The following ABCB1 variants were observed in gnomAD, a reference collection of about 807,000 sequenced individuals.
The protein encoded by ABCB1 is ATP binding cassette subfamily B member 1, also known as ATP-dependent translocase ABCB1.
Under a neutral mutation model 142.0 loss-of-function variants are expected in ABCB1, and 69 were observed. That is an observed-to-expected ratio of 0.49 (90% CI 0.40 to 0.59). The LOEUF (loss-of-function observed/expected upper bound fraction) is 0.59. Ranked by LOEUF, ABCB1 falls within the 20% of genes least tolerant of loss-of-function variation. The pLI, the probability that ABCB1 is intolerant of heterozygous loss-of-function variation, is 0.00. For synonymous variants in ABCB1, 532 were observed against 539.2 expected (o/e 0.99, Z 0.18); for missense variants, 1,326 against 1,554.7 (o/e 0.85, Z 2.47).
chr7:87,655,241 A>G (rs954061754), intron 1 of ABCB1, among the ~76,000 whole-genome samples: 1 of 152,196 alleles, frequency 6.6e-6, no homozygotes, highest in African/African-American at 2.4e-5. Flanking sequence ...AGGAAATGAA[A>G]TCAGTGTCTC....
At chr7:87,703,731 C>T (rs531162024) in intron 1 of ABCB1, among the ~76,000 whole-genome samples, 1 of 151,780 alleles carries the variant, frequency 6.6e-6, no homozygotes, top group South Asian at 2.1e-4. Flanking sequence ...TAACAGATGT[C>T]TTTTTTGTCC....
chr7:87,682,777 A>G (rs1463178662), intron 1 of ABCB1, among the ~76,000 whole-genome samples: 1 of 152,160 alleles, frequency 6.6e-6, no homozygotes, highest in East Asian at 1.9e-4. Context: ...ATTTTTTGGA[A>G]TGGTAAATAA....
intron 21 of ABCB1, among the ~76,000 whole-genome samples, chr7:87,524,422 C>T (rs1018502495): frequency 2.0e-5 from 3 of 152,102 alleles, no homozygotes; most frequent in African/African-American, 7.2e-5. Context: ...CCTTCAAATT[C>T]CCAAAGACAA....
At chr7:87,557,794 A>C (rs1338014731) in intron 8 of ABCB1, among the ~76,000 whole-genome samples, 1 of 152,212 alleles carries the variant, frequency 6.6e-6, no homozygotes, top group Non-Finnish European at 1.5e-5. Context: ...CCTCCTTCTC[A>C]GGTTTTATTC....
chr7:87,693,847 T>A, intron 1 of ABCB1: 25 of 1,552,750 alleles, frequency 1.6e-5, no homozygotes, highest in Non-Finnish European at 2.2e-5. Flanking sequence ...TTTGGAACTG[T>A]AAACATGATG....
At chr7:87,638,972 G>C (rs28746502) in intron 1 of ABCB1, among the ~76,000 whole-genome samples, 1 of 152,012 alleles carries the variant, frequency 6.6e-6, no homozygotes, top group African/African-American at 2.4e-5. Flanking sequence ...CTAACACGGT[G>C]AAACCCCGTC....
chr7:87,541,462 A>G lies in ABCB1; in HGVS notation c.2214T>C (p.Val738=). The part of the protein sequence containing the change: ...FAIIFSKIIG[V]FTRIDDPETK... Reference sequence around the variant, plus strand: ...TTTCAGGATCATCAATTCTTGTAAAAACCTGTGAGAAAACATTTAAAGGAT... The same window carrying G: ...TTTCAGGATCATCAATTCTTGTAAAGACCTGTGAGAAAACATTTAAAGGAT... The change falls in exon 18 of 28, where the codon GTT becomes GTC. Residue 738 remains valine (V), a splice_region_variant and synonymous_variant. Coordinates refer to ENST00000622132, the MANE Select transcript of ABCB1 (RefSeq NM_001348946.2). The G allele has an allele frequency of 6.3e-7, 1 of 1,587,696 alleles. No homozygotes were observed. The highest frequency in any genetic ancestry group is 8.7e-7 in the Non-Finnish European group (1 of 1,156,034).
intron 14 of ABCB1, among the ~76,000 whole-genome samples, chr7:87,547,730 T>G (rs1386022396): frequency 6.7e-6 from 1 of 150,118 alleles, no homozygotes; most frequent in Non-Finnish European, 1.5e-5. Flanking sequence ...ATTAGCCAGG[T>G]GTGGCGGTGC....
chr7:87,649,275 T>C, intron 1 of ABCB1, among the ~76,000 whole-genome samples: 1 of 152,198 alleles, frequency 6.6e-6, no homozygotes, highest in South Asian at 2.1e-4. Context: ...CGTTTAAACA[T>C]TTATTTACCA....
intron 1 of ABCB1, among the ~76,000 whole-genome samples, chr7:87,652,259 T>C (rs1266419439): frequency 6.6e-6 from 1 of 152,074 alleles, no homozygotes; most frequent in Non-Finnish European, 1.5e-5. Context: ...AAACTATCAA[T>C]AGAAAACTAT....
intron 27 of ABCB1, 104 bp downstream of exon 27, chr7:87,505,793 G>T: frequency 7.3e-7 from 1 of 1,375,538 alleles, no homozygotes; most frequent in Non-Finnish European, 1.0e-6. Flanking sequence ...GGTGATGTAA[G>T]TAACTGTCAA....
In ABCB1 at chr7:87,626,335, CGT is replaced by C. The variant is rs1491095458; in HGVS notation, c.-330-25259_-330-25258del. Among the ~76,000 whole-genome samples, 21 of 28,814 alleles carry C rather than the reference CGT, an allele frequency of 7.3e-4. 6 individuals carry two copies. Among genetic ancestry groups the C allele is most frequent in the African/African-American group, 1.6e-3 (6 of 3,758 alleles). The allele number at this position is 28,814 out of a possible 152,430, so 18.9% of individuals were successfully genotyped here. ...TCGTATATGTGTCATATATATGTGT[CGT>C]ATATGTGTCATATATATGTGTCATA... On this transcript the variant is annotated intron_variant, in intron 1 of 28. Coordinates refer to the ABCB1 transcript ENST00000265724.
At chr7:87,574,667 C>T (rs962744158) in intron 4 of ABCB1, among the ~76,000 whole-genome samples, 2 of 152,170 alleles carry the variant, frequency 1.3e-5, no homozygotes, top group East Asian at 1.9e-4. Context: ...AACTGGAATG[C>T]CCTTTATCAA....
intron 1 of ABCB1, among the ~76,000 whole-genome samples, chr7:87,686,315 T>C (rs1827449545): frequency 6.6e-6 from 1 of 152,198 alleles, no homozygotes; most frequent in African/African-American, 2.4e-5. Flanking sequence ...TAACAAATAA[T>C]TGTGTGTACT....
chr7:87,610,972 G>A (rs535142635), intron 1 of ABCB1, among the ~76,000 whole-genome samples: 13 of 152,138 alleles, frequency 8.5e-5, no homozygotes, highest in Non-Finnish European at 1.3e-4. Flanking sequence ...GACAATAACT[G>A]TCCAAACCAC....
chr7:87,538,587 G>A (rs995144452), intron 19 of ABCB1, among the ~76,000 whole-genome samples: 25 of 152,050 alleles, frequency 1.6e-4, no homozygotes, highest in African/African-American at 3.4e-4. Context: ...TTTTTAAAAC[G>A]GAAAGTTATT....
intron 7 of ABCB1, among the ~76,000 whole-genome samples, chr7:87,562,857 T>C (rs2129787946): frequency 6.6e-6 from 1 of 151,908 alleles, no homozygotes; most frequent in South Asian, 2.1e-4. Flanking sequence ...CCCAGGACTT[T>C]GGGGTGACAA....
Position 87,550,759 on chromosome 7 carries a change from C to T in ABCB1, c.1079G>A (p.Gly360Glu). 6.2e-7 allele frequency: 1 copy of T among 1,613,712 alleles called. No homozygotes were observed. Among genetic ancestry groups the T allele is most frequent in the African/African-American group, 1.3e-5 (1 of 75,038 alleles). The change falls in exon 10 of 28, where the codon GGA (glycine) becomes GAA (glutamate). Residue 360 changes from glycine (G) to glutamate (E), a missense_variant. Transcript: ENST00000622132. The stretch of plus-strand genomic sequence containing the variant: ...TATCTTGAAGATTTCATAAGCTGCT[C>T]CTCTTGCATTTGCAAATGCTTCAAT... ...PSIEAFANARGAAYEIFKIID... is the reference protein window; with the variant it reads ...PSIEAFANAREAAYEIFKIID...
intron 4 of ABCB1, among the ~76,000 whole-genome samples, chr7:87,581,470 A>C (rs1269917503): frequency 6.7e-6 from 1 of 149,338 alleles, no homozygotes; most frequent in Middle Eastern, 3.2e-3. Context: ...CTTTGTTTAC[A>C]AAAAAAAAAG....
Sources: allele counts gnomAD v4.1 joint callset (sites outside exome capture counted in the v4.1 genomes callset), GRCh38; gene constraint gnomAD v4.1.1; transcripts MANE v1.5; gene names NCBI Gene and HGNC (gene_info 2026-07-23, HGNC 2026-07-21).